PPFIBP2: variants seen among roughly 807,000 people sequenced by gnomAD.
The protein encoded by PPFIBP2 is liprin-beta-2.
In PPFIBP2, 118 loss-of-function variants were observed where a neutral mutation model predicts 118.3. The observed-to-expected ratio is 1.00, with a 90% CI of 0.86 to 1.16. PPFIBP2 has a LOEUF of 1.16. Among genes scored for constraint, PPFIBP2 ranks in the 50% most tolerant of loss-of-function variants. PPFIBP2 has a pLI of 0.00. For missense variants in PPFIBP2, 1,195 were observed against 1,073.1 expected (o/e 1.11, Z -1.59); for synonymous variants, 414 against 397.4 (o/e 1.04, Z -0.50).
chr11:7,583,927 A>T (rs918868618), intron 3 of PPFIBP2, among the ~76,000 whole-genome samples: 5 of 152,218 alleles, frequency 3.3e-5, no homozygotes, highest in African/African-American at 1.2e-4. Context: ...TCCTAGGGGT[A>T]TTCCTTTAAA....
rs61888790 is a variant in PPFIBP2, at chr11:7,616,761, C to A, written c.619-4174C>A. ...GTATCATGCATATGTGGAGAGAGGA[C>A]GTGTTTGTGTGTGTGCCCCAGTGTG... On this transcript the variant is annotated intron_variant, in intron 6 of 23. Transcript: ENST00000299492. This position sits in a 1 kb window ranked among gnomAD's most constrained non-coding sequence, Gnocchi z 5.2. Among the ~76,000 whole-genome samples the A allele has an allele frequency of 6.6e-6, 1 of 150,444 alleles. No homozygotes were observed. Among genetic ancestry groups the A allele is most frequent in the Non-Finnish European group, 1.5e-5 (1 of 67,942 alleles).
Position 7,634,537 on chromosome 11 carries a change from T to C in PPFIBP2, c.1179T>C (p.Ser393=), listed in dbSNP as rs947077151. The C allele has an allele frequency of 6.2e-7, 1 of 1,613,442 alleles. No individual in the cohort carries two copies. Among genetic ancestry groups the C allele is most frequent in the African/African-American group, 1.3e-5 (1 of 74,892 alleles). ...CTTGTAGTCTAGAAGACTTGAGAAG[T>C]GAATCTGTGGATAAGGTCGGCTCAT... The part of the protein sequence containing the change: ...KLSCSLEDLR[S]ESVDKCMDGN... Residue 393 remains serine (S), a synonymous_variant, in exon 13 of 24, where the codon AGT becomes AGC. Coordinates refer to ENST00000299492, the MANE Select transcript of PPFIBP2 (RefSeq NM_003621.5).
chr11:7,647,728 C>G (rs770511496), intron 17 of PPFIBP2, among the ~76,000 whole-genome samples: 19 of 152,206 alleles, frequency 1.2e-4, no homozygotes, highest in Non-Finnish European at 1.5e-5. Flanking sequence ...ATGGGCAGTC[C>G]TGACATCTGT....
chr11:7,624,211 G>A (rs1307474401), intron 7 of PPFIBP2, among the ~76,000 whole-genome samples: 2 of 152,148 alleles, frequency 1.3e-5, no homozygotes, highest in Non-Finnish European at 2.9e-5. Flanking sequence ...GGTGGGTGGA[G>A]CCCTGACATT....
intron 3 of PPFIBP2, among the ~76,000 whole-genome samples, chr11:7,591,590 A>T (rs1859320389): frequency 6.6e-6 from 1 of 152,172 alleles, no homozygotes; most frequent in African/African-American, 2.4e-5. Flanking sequence ...CCATTAACAA[A>T]GAAGTCAGTT....
Position 7,653,066 on chromosome 11 carries a change from A to G in PPFIBP2, c.2479A>G (p.Lys827Glu), listed in dbSNP as rs756049179. The G allele has an allele frequency of 2.5e-6, 4 of 1,613,260 alleles. No individual in the cohort carries two copies. The African/African-American group carries it at 5.3e-5, about 22-fold the overall frequency. Residue 827 changes from lysine (K) to glutamate (E), a missense_variant, in exon 24 of 24, where the codon AAG (lysine) becomes GAG (glutamate). Transcript: ENST00000299492. Reference protein sequence around the residue: ...GFSHFGNIRKKKFDESTDYIC... With the variant: ...GFSHFGNIRKEKFDESTDYIC... Reference sequence around the variant, plus strand: ...TTCACACTTCGGAAACATAAGAAAAAAGAAGTTCGATGAATCGACGGACTA... The same window carrying G: ...TTCACACTTCGGAAACATAAGAAAAGAGAAGTTCGATGAATCGACGGACTA...
intron 5 of PPFIBP2, among the ~76,000 whole-genome samples, chr11:7,607,247 G>A (rs1590550260): frequency 7.4e-6 from 1 of 135,416 alleles, no homozygotes; most frequent in East Asian, 2.3e-4. Context: ...TCTCACTGTC[G>A]CCTAGGCTGG....
At chr11:7,662,554 G>C in the PPFIBP2 span, among the ~76,000 whole-genome samples, 2 of 150,942 alleles carry the variant, frequency 1.3e-5, no homozygotes, top group Non-Finnish European at 3.0e-5. Context: ...AGGGTAACCC[G>C]ACCTTTCTCT....
At chr11:7,632,843 G>A (rs750463974) in intron 11 of PPFIBP2, 24 bp from the exon 12 acceptor site, 18 of 1,596,556 alleles carry the variant, frequency 1.1e-5, no homozygotes, top group Admixed American at 1.7e-5. Flanking sequence ...GTCCTCTACC[G>A]TGACTCTTCT....
chr11:7,620,869 C>G, intron 6 of PPFIBP2, 66 bp from the exon 7 acceptor site: 1 of 1,178,188 alleles, frequency 8.5e-7, no homozygotes, highest in South Asian at 1.2e-5. Context: ...TGAGCTTAAC[C>G]AGGTTGGTAA....
chr11:7,617,272 G>C, intron 6 of PPFIBP2: 10 of 985,450 alleles, frequency 1.0e-5, no homozygotes, highest in Non-Finnish European at 1.2e-5. Context: ...AGCCAGGACT[G>C]TGCCTGTTGG....
At chr11:7,633,571 T>C (rs1851061057) in intron 12 of PPFIBP2, among the ~76,000 whole-genome samples, 1 of 152,148 alleles carries the variant, frequency 6.6e-6, no homozygotes, top group Admixed American at 6.5e-5. Flanking sequence ...GCCTTTCAGC[T>C]AAGGTGTTGG....
At chr11:7,601,248 C>G (rs1238736646) in intron 5 of PPFIBP2, among the ~76,000 whole-genome samples, 2 of 152,140 alleles carry the variant, frequency 1.3e-5, no homozygotes, top group African/African-American at 4.8e-5. Context: ...CTCCCAACTC[C>G]CATCTGTTTT....
At chr11:7,526,604 G>T (rs548442440) in intron 1 of PPFIBP2, among the ~76,000 whole-genome samples, 1 of 152,170 alleles carries the variant, frequency 6.6e-6, no homozygotes, top group Non-Finnish European at 1.5e-5. Flanking sequence ...GGGTGCGGTG[G>T]CTCACGCCTG....
chr11:7,596,952 G>A (rs747188917), intron 4 of PPFIBP2, among the ~76,000 whole-genome samples: 2 of 152,054 alleles, frequency 1.3e-5, no homozygotes, highest in East Asian at 1.9e-4. Context: ...TTCTGCCACC[G>A]TATGTGTAAT....
chr11:7,573,118 C>T (rs1011470038), intron 3 of PPFIBP2, among the ~76,000 whole-genome samples: 2 of 152,206 alleles, frequency 1.3e-5, no homozygotes, highest in Admixed American at 6.5e-5. Flanking sequence ...ACTTCTTACT[C>T]CTCCAAGTGT....
intron 7 of PPFIBP2, among the ~76,000 whole-genome samples, chr11:7,622,384 C>T (rs1176697038): frequency 6.6e-6 from 1 of 152,186 alleles, no homozygotes; most frequent in African/African-American, 2.4e-5. Context: ...TACAATTCAA[C>T]ATGAGATTTG....
intron 3 of PPFIBP2, chr11:7,577,332 T>TGTGTGTGTGTGTGTGTGTGTGC (rs1856545740): frequency 4.2e-6 from 1 of 240,132 alleles, no homozygotes. Context: ...TGTGTGTGTG[T>TGTGTGTGTGTGTGTGTGTGTGC]GTGTGTGTGT....
chr11:7,609,768 A>G (rs773353547), intron 5 of PPFIBP2, among the ~76,000 whole-genome samples: 1 of 152,188 alleles, frequency 6.6e-6, no homozygotes, highest in Non-Finnish European at 1.5e-5. Flanking sequence ...TTCCTATGTA[A>G]TCATTCAACA....
Sources: gnomAD v4.1 joint callset for allele counts (sites outside exome capture counted in the v4.1 genomes callset) on GRCh38, gnomAD v4.1.1 for gene constraint, Gnocchi (gnomAD v3.1) non-coding constraint, MANE v1.5 for transcripts, NCBI Gene and HGNC (gene_info 2026-07-23, HGNC 2026-07-21) for gene names.